DPY19L1: variants seen among roughly 807,000 people sequenced by gnomAD.
DPY19L1 encodes protein C-mannosyl-transferase DPY19L1.
In DPY19L1, 35 loss-of-function variants were observed where a neutral mutation model predicts 96.9. The observed-to-expected ratio is 0.36, with a 90% CI of 0.28 to 0.48. The LOEUF (loss-of-function observed/expected upper bound fraction) is 0.48. Among genes scored for constraint, DPY19L1 ranks in the 20% least tolerant of loss-of-function variants. DPY19L1 has a pLI of 0.99. For synonymous variants in DPY19L1, 205 were observed against 252.6 expected, an observed-to-expected ratio of 0.81 and a Z score of 1.79; for missense variants, 521 against 777.9, an observed-to-expected ratio of 0.67 and a Z score of 3.93.
intron 13 of DPY19L1, 49 bp from the exon 14 acceptor site, chr7:34,949,947 T>C (rs1584210562): frequency 1.0e-6 from 1 of 976,956 alleles, no homozygotes; most frequent in African/African-American, 1.7e-5. Context: ...ACTGCAATAA[T>C]ATATTTTAAT....
intron 7 of DPY19L1, among the ~76,000 whole-genome samples, chr7:34,976,318 G>T (rs1483149214): frequency 6.6e-6 from 1 of 152,154 alleles, no homozygotes; most frequent in Non-Finnish European, 1.5e-5. Flanking sequence ...AGATGTGATG[G>T]AAATGGCAAG....
At chr7:34,953,116 C>T (rs937581790) in intron 13 of DPY19L1, among the ~76,000 whole-genome samples, 5 of 152,112 alleles carry the variant, frequency 3.3e-5, no homozygotes, top group African/African-American at 1.2e-4. Flanking sequence ...CGCTCAGAGG[C>T]ACTATCAGTA....
intron 6 of DPY19L1, among the ~76,000 whole-genome samples, chr7:34,994,053 A>G (rs1054654329): frequency 1.3e-5 from 2 of 152,204 alleles, no homozygotes; most frequent in African/African-American, 4.8e-5. Context: ...GTGACAGTGA[A>G]ACTGTCTCAA....
intron 3 of DPY19L1, among the ~76,000 whole-genome samples, chr7:35,014,739 G>T (rs953531393): frequency 6.6e-6 from 1 of 152,206 alleles, no homozygotes; most frequent in East Asian, 1.9e-4. Context: ...ACCCTGTGGA[G>T]TGATCTTATT....
intron 6 of DPY19L1, among the ~76,000 whole-genome samples, chr7:35,010,030 A>G (rs922983116): frequency 2.6e-5 from 4 of 152,064 alleles, no homozygotes; most frequent in African/African-American, 9.7e-5. Context: ...GGAAGTTGAG[A>G]CTAGTCTGGG....
chr7:35,001,092 A>G (rs562254954), intron 6 of DPY19L1, among the ~76,000 whole-genome samples: 1 of 152,324 alleles, frequency 6.6e-6, no homozygotes, highest in South Asian at 2.1e-4. Flanking sequence ...CGGTTTACCT[A>G]TCTCATGGGA....
chr7:34,983,505 G>A (rs1194180983), intron 7 of DPY19L1, among the ~76,000 whole-genome samples: 4 of 150,902 alleles, frequency 2.7e-5, no homozygotes, highest in African/African-American at 9.8e-5. Context: ...GGGAAAGAGA[G>A]GAAGGGAGGG....
At chr7:35,029,365 T>C (rs996306271) in intron 1 of DPY19L1, among the ~76,000 whole-genome samples, 30 of 152,310 alleles carry the variant, frequency 2.0e-4, no homozygotes, top group African/African-American at 7.0e-4. Context: ...TGTAAAACTT[T>C]AGTAAACCTA....
intron 6 of DPY19L1, among the ~76,000 whole-genome samples, chr7:35,006,481 CCTT>C (rs1249332085): frequency 6.6e-6 from 1 of 152,190 alleles, no homozygotes; most frequent in East Asian, 1.9e-4. Flanking sequence ...AACCAATGCT[CCTT>C]CTTACTTGCA....
intron 21 of DPY19L1, 148 bp from the exon 22 acceptor site, chr7:34,931,877 G>C: frequency 7.9e-7 from 1 of 1,259,106 alleles, no homozygotes; most frequent in South Asian, 1.7e-5. Context: ...AGCTATTTAT[G>C]TTTTTATAAG....
chr7:34,945,953 T>C (rs1367462377), intron 15 of DPY19L1, among the ~76,000 whole-genome samples: 1 of 152,136 alleles, frequency 6.6e-6, no homozygotes, highest in African/African-American at 2.4e-5. Context: ...GAGCAACAGG[T>C]TCATATGGAT....
chr7:34,948,614 T>G (rs1784203517), intron 14 of DPY19L1, among the ~76,000 whole-genome samples: 1 of 152,260 alleles, frequency 6.6e-6, no homozygotes, highest in African/African-American at 2.4e-5. Context: ...ACATAGCTTA[T>G]GTTTAATACT....
chr7:35,027,386 C>G (rs1415077632), intron 1 of DPY19L1, among the ~76,000 whole-genome samples: 2 of 151,980 alleles, frequency 1.3e-5, no homozygotes, highest in Non-Finnish European at 2.9e-5. Context: ...TCCTGCTCCC[C>G]GAACTACAAA....
chr7:34,992,581 C>CT (rs1785196191), intron 6 of DPY19L1, among the ~76,000 whole-genome samples: 1 of 144,752 alleles, frequency 6.9e-6, no homozygotes, highest in Non-Finnish European at 1.5e-5. Flanking sequence ...GGGTCTCACT[C>CT]TGTCACCCAA....
At chr7:35,026,374 A>G (rs533896260) in intron 1 of DPY19L1, among the ~76,000 whole-genome samples, 10 of 152,310 alleles carry the variant, frequency 6.6e-5, no homozygotes, top group Non-Finnish European at 1.3e-4. Context: ...CACTGACAGC[A>G]CACTGGAATC....
chr7:35,021,214 G>T (rs576497696), intron 1 of DPY19L1, among the ~76,000 whole-genome samples: 1 of 152,264 alleles, frequency 6.6e-6, no homozygotes, highest in Admixed American at 6.5e-5. Context: ...GATTTCTGCT[G>T]ACTTTAACAG....
intron 16 of DPY19L1, among the ~76,000 whole-genome samples, chr7:34,944,679 A>G (rs1784104086): frequency 6.6e-6 from 1 of 152,162 alleles, no homozygotes; most frequent in Non-Finnish European, 1.5e-5. Flanking sequence ...ATTCCACTCT[A>G]TGTATCATAG....
chr7:34,949,657 T>C (rs1398157565), intron 14 of DPY19L1, 140 bp downstream of exon 14: 10 of 584,666 alleles, frequency 1.7e-5, no homozygotes, highest in Non-Finnish European at 2.7e-5. Context: ...AACAGAAAAA[T>C]CTTCCTCTAA....
upstream of DPY19L1, chr7:35,037,771 T>TCCGGCGCAGGCGGGGC: frequency 2.6e-5 from 30 of 1,154,544 alleles, no homozygotes; most frequent in Non-Finnish European, 3.2e-5. Context: ...CGCGCGGACT[T>TCCGGCGCAGGCGGGGC]CCGGCGCAGG....
Sources: gnomAD v4.1 joint callset for allele counts (sites outside exome capture counted in the v4.1 genomes callset) on GRCh38, gnomAD v4.1.1 for gene constraint, MANE v1.5 for transcripts, NCBI Gene and HGNC (gene_info 2026-07-23, HGNC 2026-07-21) for gene names.